GALNS: variants seen among roughly 807,000 people sequenced by gnomAD.
The protein encoded by GALNS is N-acetylgalactosamine-6-sulfatase.
In GALNS, 65 loss-of-function variants were observed where a neutral mutation model predicts 65.9. The observed-to-expected ratio is 0.99, with a 90% CI of 0.81 to 1.21. The LOEUF is 1.21. Ranked by LOEUF, GALNS falls within the 50% of genes most tolerant of loss-of-function variation. The pLI, the probability that GALNS is intolerant of heterozygous loss-of-function variation, is 0.00. For missense variants in GALNS, 776 were observed against 700.7 expected (o/e 1.11, Z -1.21); for synonymous variants, 346 against 288.9 (o/e 1.20, Z -2.00).
intron 5 of GALNS, among the ~76,000 whole-genome samples, chr16:88,837,342 C>T (rs993031950): frequency 6.6e-6 from 1 of 152,160 alleles, no homozygotes; most frequent in Non-Finnish European, 1.5e-5. Context: ...TAGGGCAGAC[C>T]GTGTGGGCTC....
intron 8 of GALNS, among the ~76,000 whole-genome samples, chr16:88,833,803 G>A (rs942850536): frequency 6.6e-6 from 1 of 152,242 alleles, no homozygotes; most frequent in African/African-American, 2.4e-5. Flanking sequence ...TGTGCTGGGT[G>A]CTGGGTGTGT....
At chr16:88,837,865 C>T (rs1318014738) in intron 4 of GALNS, 100 bp from the exon 5 acceptor site, 24 of 1,276,552 alleles carry the variant, frequency 1.9e-5, no homozygotes, top group Middle Eastern at 1.9e-4. Flanking sequence ...CTTGGTAAGA[C>T]GAGCACCCTC....
intron 1 of GALNS, chr16:88,855,613 G>A: frequency 1.6e-6 from 1 of 633,802 alleles, no homozygotes; most frequent in South Asian, 1.7e-5. Context: ...GGTGGTGTCT[G>A]TTATCTTTTC....
intron 1 of GALNS, chr16:88,856,237 C>G (rs941950304): frequency 5.7e-6 from 4 of 702,948 alleles, no homozygotes; most frequent in African/African-American, 5.2e-5. Context: ...AGGACAGAGA[C>G]AGCCGTCAGG....
intron 4 of GALNS, chr16:88,840,187 C>T (rs1597578673): frequency 3.3e-5 from 5 of 152,998 alleles, no homozygotes; most frequent in African/African-American, 1.2e-4. Context: ...CCTCTGGGTC[C>T]TCCTCATCCA....
chr16:88,817,206 C>T, intron 13 of GALNS: 1 of 985,122 alleles, frequency 1.0e-6, no homozygotes, highest in Non-Finnish European at 1.2e-6. Context: ...AGAAAAGCTG[C>T]TCCTGAGAGG....
At chr16:88,844,008 C>G (rs1450581674) in intron 1 of GALNS, 2 of 152,252 alleles carry the variant, frequency 1.3e-5, no homozygotes, top group African/African-American at 2.4e-5. Context: ...TGGGGAGGGC[C>G]TGCTGATGAG....
chr16:88,833,290 G>A (rs1205575990), intron 8 of GALNS, among the ~76,000 whole-genome samples: 1 of 152,008 alleles, frequency 6.6e-6, no homozygotes, highest in East Asian at 1.9e-4. Flanking sequence ...CCTGTCTCAG[G>A]GAGGGCCCTG....
chr16:88,823,347 C>A (rs1437038721), intron 11 of GALNS, among the ~76,000 whole-genome samples: 1 of 152,254 alleles, frequency 6.6e-6, no homozygotes, highest in Non-Finnish European at 1.5e-5. Context: ...AAGGATTTTA[C>A]AGTAACCACA....
At chr16:88,840,947 G>C in intron 4 of GALNS, 45 bp downstream of exon 4, 4 of 1,467,300 alleles carry the variant, frequency 2.7e-6, no homozygotes, top group African/African-American at 1.4e-5. Flanking sequence ...AGGCCAGGAA[G>C]TGGATGGAGC....
chr16:88,821,051 C>T (rs12930323), intron 12 of GALNS, among the ~76,000 whole-genome samples: 51,212 of 151,928 alleles, frequency 0.34, 9,099 homozygotes, highest in East Asian at 0.61. Flanking sequence ...TTTCACGGGT[C>T]TCACCCCCAT....
intron 7 of GALNS, 44 bp downstream of exon 7, chr16:88,835,681 T>G: frequency 3.1e-6 from 5 of 1,612,782 alleles, no homozygotes; most frequent in Non-Finnish European, 4.2e-6. Context: ...CAAGCACAGC[T>G]GGGGCCTCCA....
chr16:88,853,079 C>A (rs187484941), intron 1 of GALNS, among the ~76,000 whole-genome samples: 1 of 151,788 alleles, frequency 6.6e-6, no homozygotes, highest in East Asian at 1.9e-4. Flanking sequence ...GGTGAAACCC[C>A]GTCTCCACTA....
At chr16:88,837,855 C>T (rs1912305109) in intron 4 of GALNS, 90 bp from the exon 5 acceptor site, 1 of 1,412,980 alleles carries the variant, frequency 7.1e-7, no homozygotes, top group Admixed American at 1.7e-5. Flanking sequence ...TCACAAAATT[C>T]TTGGTAAGAC....
chr16:88,839,989 C>T (rs547664595), intron 4 of GALNS, among the ~76,000 whole-genome samples: 3 of 152,326 alleles, frequency 2.0e-5, no homozygotes, highest in Admixed American at 6.5e-5. Context: ...CAGTGGCCCT[C>T]GGGGGCTGAC....
chr16:88,844,606 T>G (rs1325993589), intron 1 of GALNS: 1 of 152,288 alleles, frequency 6.6e-6, no homozygotes, highest in Non-Finnish European at 1.5e-5. Flanking sequence ...CCTGGGCCCC[T>G]GCCCTCTACA....
chr16:88,852,954 CA>C (rs1036083393), intron 1 of GALNS, among the ~76,000 whole-genome samples: 1 of 148,576 alleles, frequency 6.7e-6, no homozygotes, highest in Non-Finnish European at 1.5e-5. Flanking sequence ...GACCTTGTCT[CA>C]AAAAAAAAGT....
At position 88,814,493 on chromosome 16, in the gene GALNS, C is replaced by T; in HGVS notation, c.1515G>A (p.Gly505=). The change falls in exon 14 of 14, where the codon GGG becomes GGA. Residue 505 remains glycine (G), a synonymous_variant. Coordinates refer to ENST00000268695, the MANE Select transcript of GALNS (RefSeq NM_000512.5). ...TGGATTCTGGAGGTGTCAGACACTT[C>T]CCTAACTTTTCACAGCCCGGAGGTG... The part of the protein sequence containing the change: ...NWAPPGCEKL[G]KCLTPPESIP... 6.4e-7 allele frequency: 1 copy of T among 1,562,072 alleles called. No individual in the cohort carries two copies. The highest frequency in any genetic ancestry group is 8.7e-7 in the Non-Finnish European group (1 of 1,152,464).
At chr16:88,834,071 G>A (rs1268912961) in intron 8 of GALNS, among the ~76,000 whole-genome samples, 6 of 152,146 alleles carry the variant, frequency 3.9e-5, no homozygotes, top group African/African-American at 1.4e-4. Flanking sequence ...CCACACATGG[G>A]TCTGTTGGGG....
Sources: allele counts gnomAD v4.1 joint callset (sites outside exome capture counted in the v4.1 genomes callset), GRCh38; gene constraint gnomAD v4.1.1; transcripts MANE v1.5; gene names NCBI Gene and HGNC (gene_info 2026-07-23, HGNC 2026-07-21).